Variants in ARHGEF17 observed in about 807,000 individuals in gnomAD.
ARHGEF17 encodes 164 kDa Rho-specific guanine-nucleotide exchange factor.
Under a neutral mutation model 174.0 loss-of-function variants are expected in ARHGEF17, and 80 were observed. The observed-to-expected ratio is 0.46, with a 90% CI of 0.38 to 0.55. The LOEUF is 0.55. Among genes scored for constraint, ARHGEF17 ranks in the 20% least tolerant of loss-of-function variants. The probability of loss-of-function intolerance (pLI) is 0.00; values close to 1 mark genes in which losing one functional copy is unlikely to be tolerated. For missense variants in ARHGEF17, 2,886 were observed against 2,839.7 expected (o/e 1.02, Z -0.37); for synonymous variants, 1,311 against 1,189.1 (o/e 1.10, Z -2.11).
Position 73,364,524 on chromosome 11 carries a change from T to A in ARHGEF17, c.5474T>A (p.Val1825Glu). ...GTQGSPITKM[V>E]SVGGRLWCGC... is the part of the protein sequence containing the mutation. Reference sequence around the variant, plus strand: ...CAGGGGAGCCCCATCACCAAGATGGTATCTGTGGGTGGGCGGCTGTGGTGT... The same window carrying A: ...CAGGGGAGCCCCATCACCAAGATGGAATCTGTGGGTGGGCGGCTGTGGTGT... Residue 1825 changes from valine to glutamate, a missense_variant, in exon 18 of 21, where the codon GTA becomes GAA. Val to Glu is a moderately radical substitution (Grantham distance 121). Coordinates refer to ENST00000263674, the MANE Select transcript of ARHGEF17 (RefSeq NM_014786.4). The A allele has an allele frequency of 6.2e-7, 1 of 1,613,738 alleles. No homozygotes were observed. The highest frequency in any genetic ancestry group is 8.5e-7 in the Non-Finnish European group (1 of 1,179,924).
At position 73,309,889 on chromosome 11, in the gene ARHGEF17, C is replaced by T. The variant is rs143791645; in HGVS notation, c.1251C>T (p.Arg417=). The T allele has an allele frequency of 1.2e-6, 2 of 1,612,986 alleles. No homozygotes were observed. Among genetic ancestry groups the T allele is most frequent in the African/African-American group, 2.7e-5 (2 of 74,910 alleles). The stretch of plus-strand genomic sequence containing the variant: ...GTTCTGGGGGCTGGGGCGTGTACCG[C>T]TCCCCTAGCTTTGGAGCTGGGGAAG... ...SRGSGGWGVY[R]SPSFGAGEGL... Residue 417 remains arginine, a synonymous_variant, in exon 1 of 21, where the codon CGC becomes CGT. Transcript: ENST00000263674.
At position 73,362,112 on chromosome 11, in the gene ARHGEF17, G is replaced by C; in HGVS notation, c.4567G>C (p.Gly1523Arg). The C allele has an allele frequency of 3.1e-6, 5 of 1,612,444 alleles. No homozygotes were observed. Among genetic ancestry groups the C allele is most frequent in the Non-Finnish European group, 4.2e-6 (5 of 1,179,842 alleles). ...SPEVWVCNSD[G>R]YVGQVCLLSL... is the part of the protein sequence containing the mutation. ...TGAGGTATGGGTCTGCAACAGCGAC[G>C]GCTACGTGGGCCAGGTGTGCCTGCT... The change falls in exon 13 of 21, where the codon GGC (glycine) becomes CGC (arginine). Residue 1523 changes from glycine (G) to arginine (R), a missense_variant. Physicochemically the swap from Gly to Arg is moderately radical, Grantham distance 125. Around this residue, in one of 4 missense-constraint regions of ARHGEF17, gnomAD observed 476 missense variants for 473.1 expected, o/e 1.01. Coordinates refer to ENST00000263674, the MANE Select transcript of ARHGEF17 (RefSeq NM_014786.4).
In ARHGEF17 at chr11:73,368,305, C is replaced by CT. The variant is rs1186986063; in HGVS notation, c.*526dup. On this transcript the variant is annotated 3_prime_UTR_variant, in exon 21 of 21. Transcript: ENST00000263674. ...CTGCCCTGGGGACCACCCTGGGACT[C>CT]TAACCAAGCCTTCCTGGAGGGACCC... 6.5e-6 allele frequency: 1 copy of CT among 153,194 alleles called. No individual in the cohort carries two copies. Among genetic ancestry groups the CT allele is most frequent in the African/African-American group, 2.4e-5 (1 of 41,448 alleles). 9.5% of individuals were successfully genotyped at this position (153,194 alleles called of 1,614,324 possible).
rs919217565 is a variant in ARHGEF17 at position 73,309,792 on chromosome 11, C to G, written c.1154C>G (p.Ala385Gly). ...VSFPSYLASP[A>G]GSRGSSRYSS... ...TTTCCCTCGTACCTGGCCAGCCCCG[C>G]AGGCTCCCGCGGTAGCAGCCGTTAT... is the stretch of plus-strand genomic sequence containing the variant. The change falls in exon 1 of 21, where the codon GCA (alanine) becomes GGA (glycine). Residue 385 changes from alanine to glycine, a missense_variant. By Grantham distance (60) the Ala-to-Gly change is moderately conservative (BLOSUM62 0). Around this residue, in one of 4 missense-constraint regions of ARHGEF17, gnomAD observed 1,728 missense variants for 1,461.2 expected, o/e 1.18. Transcript: ENST00000263674. The G allele has an allele frequency of 2.5e-6, 4 of 1,612,924 alleles. No homozygotes were observed. The highest frequency in any genetic ancestry group is 2.2e-5 in the East Asian group (1 of 44,900).
At chr11:73,326,491 G>C (rs113070879) in intron 1 of ARHGEF17, among the ~76,000 whole-genome samples, 4 of 152,292 alleles carry the variant, frequency 2.6e-5, no homozygotes, top group African/African-American at 9.6e-5. Flanking sequence ...AGGCCGAGGA[G>C]GGCGGATCAC....
Position 73,329,322 on chromosome 11 carries a change from CATATATATATAT to C in ARHGEF17, c.3193-17520_3193-17509del, listed in dbSNP as rs1164051322. Among the ~76,000 whole-genome samples, 28 of 15,294 alleles carry C rather than the reference CATATATATATAT, an allele frequency of 1.8e-3. 1 individual carries two copies. The highest frequency in any genetic ancestry group is 2.6e-3 in the Non-Finnish European group (22 of 8,496). 10.0% of individuals were successfully genotyped at this position (15,294 alleles called of 152,430 possible). A position where few individuals can be genotyped will look rare whatever the true frequency, so the allele number is the denominator to read the frequency against. The stretch of plus-strand genomic sequence containing the variant: ...GCCTTATCAGTATTTTGAGAGCTTT[CATATATATATAT>C]ATATATATATATATATATATATATA... On this transcript the variant is annotated intron_variant, in intron 1 of 20. Coordinates refer to ENST00000263674, the MANE Select transcript of ARHGEF17 (RefSeq NM_014786.4).
In ARHGEF17 at chr11:73,362,216, C is replaced by T. The variant is rs990470506; in HGVS notation, c.4671C>T (p.Pro1557=). 3.9e-6 allele frequency: 6 copies of T among 1,546,996 alleles called. No homozygotes were observed. Among genetic ancestry groups the T allele is most frequent in the South Asian group, 2.3e-5 (2 of 85,164 alleles). ...GCATCCTCTGCATCGGGGCGGTGCC[C>T]GGGCTGCAGCCTCGCTGCCACCGGT... ...SARILCIGAV[P]GLQPRCHREP... Residue 1557 remains proline (P), a synonymous_variant, in exon 13 of 21, where the codon CCC becomes CCT. Coordinates refer to ENST00000263674, the MANE Select transcript of ARHGEF17 (RefSeq NM_014786.4).
chr11:73,343,903 G>A (rs762872328), intron 1 of ARHGEF17, among the ~76,000 whole-genome samples: 1 of 152,176 alleles, frequency 6.6e-6, no homozygotes, highest in African/African-American at 2.4e-5. Flanking sequence ...CTGAGCTGGC[G>A]GGCCTGGTTC....
chr11:73,320,531 G>T (rs1865000157), intron 1 of ARHGEF17, among the ~76,000 whole-genome samples: 1 of 143,556 alleles, frequency 7.0e-6, no homozygotes, highest in Non-Finnish European at 1.5e-5. Context: ...TGAGGTAAGA[G>T]AATTGCTTGA....
rs368936027 is a variant in ARHGEF17 at position 73,363,219 on chromosome 11, G to A, written c.5010G>A (p.Pro1670=). The change falls in exon 15 of 21, where the codon CCG becomes CCA. Residue 1670 remains proline, a synonymous_variant. Transcript: ENST00000263674. The part of the protein sequence containing the change: ...ISSSFGNEET[P]SSKEATAETT... The stretch of plus-strand genomic sequence containing the variant: ...TGTCTCCCTCAGATGAGGAGACCCC[G>A]AGTTCCAAGGAGGCCACGGCAGAGA... 64 of 1,571,038 alleles carry A rather than the reference G, an allele frequency of 4.1e-5. No homozygotes were observed. The highest frequency in any genetic ancestry group is 4.8e-5 in the Non-Finnish European group (56 of 1,155,956).
Position 73,364,458 on chromosome 11 carries a change from T to G in ARHGEF17, c.5408T>G (p.Phe1803Cys), listed in dbSNP as rs1255883534. The G allele has an allele frequency of 6.2e-7, 1 of 1,613,398 alleles. No homozygotes were observed. The highest frequency in any genetic ancestry group is 8.5e-7 in the Non-Finnish European group (1 of 1,179,962). ...TTTCTTTACCCCACTCCAGGCCATT[T>G]CTGGGACCCCCAGAACTTCAAATCA... ...LVVYQREAGH[F>C]WDPQNFKSVT... Residue 1803 changes from phenylalanine (F) to cysteine (C), a missense_variant, in exon 18 of 21, where the codon TTC becomes TGC. Phe to Cys is a radical substitution (Grantham distance 205). Coordinates refer to ENST00000263674, the MANE Select transcript of ARHGEF17 (RefSeq NM_014786.4).
At chr11:73,349,087 A>G (rs552887262) in intron 2 of ARHGEF17, among the ~76,000 whole-genome samples, 87 of 152,310 alleles carry the variant, frequency 5.7e-4, no homozygotes, top group Non-Finnish European at 9.6e-4. Context: ...TGTGCACGCA[A>G]GGAAGCCATG....
At chr11:73,326,039 C>G (rs887102982) in intron 1 of ARHGEF17, among the ~76,000 whole-genome samples, 1 of 152,230 alleles carries the variant, frequency 6.6e-6, no homozygotes, top group African/African-American at 2.4e-5. Context: ...TGGGGGAACC[C>G]AGGGGAACCT....
At position 73,360,406 on chromosome 11, in the gene ARHGEF17, C is replaced by T. The variant is rs1310512037; in HGVS notation, c.4293C>T (p.Phe1431=). 4 of 1,613,986 alleles carry T rather than the reference C, an allele frequency of 2.5e-6. No homozygotes were observed. Among genetic ancestry groups the T allele is most frequent in the Admixed American group, 1.7e-5 (1 of 60,030 alleles). ...EKQALCYALS[F]PPTKLELCAT... The stretch of plus-strand genomic sequence containing the variant: ...AGGCGCTGTGCTACGCGCTTTCCTT[C>T]CCGCCAACCAAGCTGGAGCTGTGCG... Residue 1431 remains phenylalanine, a synonymous_variant, in exon 11 of 21, where the codon TTC becomes TTT. Coordinates refer to ENST00000263674, the MANE Select transcript of ARHGEF17 (RefSeq NM_014786.4).
At chr11:73,359,135 ATT>A (rs1488690602) in intron 9 of ARHGEF17, among the ~76,000 whole-genome samples, 1 of 152,206 alleles carries the variant, frequency 6.6e-6, no homozygotes, top group Admixed American at 6.5e-5. Flanking sequence ...CAAATATTAA[ATT>A]TATATACACC....
chr11:73,356,364 T>C lies in ARHGEF17; in HGVS notation c.3840+13T>C, dbSNP rs374725424. On this transcript the variant is annotated intron_variant, in intron 6 of 20. Transcript: ENST00000263674. ...GGGCATGGAGGATGTGCGTGCGCCC[T>C]GCCCCACCCCACCCTACCCCACCCC... 98 of 1,596,438 alleles carry C rather than the reference T, an allele frequency of 6.1e-5. No individual in the cohort carries two copies. The African/African-American group carries it at 1.2e-3, about 20-fold the overall frequency.
At chr11:73,363,147 GAT>G (rs1164459140) in intron 14 of ARHGEF17, 57 bp from the exon 15 acceptor site, 1 of 1,467,730 alleles carries the variant, frequency 6.8e-7, no homozygotes, top group East Asian at 2.5e-5. Context: ...GGCCTAGAAA[GAT>G]ATCAGGTCCC....
chr11:73,361,949 TC>T, intron 12 of ARHGEF17, 90 bp from the exon 13 acceptor site: 5 of 1,470,504 alleles, frequency 3.4e-6, no homozygotes, highest in Non-Finnish European at 4.6e-6. Context: ...CAGGCCTGCC[TC>T]CCTCCATTCT....
intron 1 of ARHGEF17, among the ~76,000 whole-genome samples, chr11:73,332,510 A>T (rs1307705312): frequency 6.6e-6 from 1 of 151,974 alleles, no homozygotes; most frequent in African/African-American, 2.4e-5. Context: ...GATTTCAGTA[A>T]GTGCATGAAT....
Sources: allele counts gnomAD v4.1 joint callset (sites outside exome capture counted in the v4.1 genomes callset), GRCh38; gene constraint gnomAD v4.1.1; regional missense constraint gnomAD v4.1.1; transcripts MANE v1.5; gene names NCBI Gene and HGNC (gene_info 2026-07-23, HGNC 2026-07-21).